The following EPHA3 variants were observed in gnomAD, a reference collection of about 807,000 sequenced individuals.
EPHA3 encodes EPH receptor A3, also known as ephrin type-A receptor 3.
In EPHA3, 42 loss-of-function variants were observed where a neutral mutation model predicts 107.1. That is an observed-to-expected ratio of 0.39 (90% CI 0.31 to 0.51). EPHA3 has a LOEUF of 0.51. Ranked by LOEUF, EPHA3 falls within the 20% of genes least tolerant of loss-of-function variation. The pLI is 0.78. For synonymous variants in EPHA3, 461 were observed against 424.8 expected, an observed-to-expected ratio of 1.09 and a Z score of -1.05; for missense variants, 1,183 against 1,211.2, an observed-to-expected ratio of 0.98 and a Z score of 0.35.
chr3:89,133,425 T>G (rs886620873), intron 2 of EPHA3, among the ~76,000 whole-genome samples: 22 of 152,204 alleles, frequency 1.4e-4, no homozygotes, highest in Admixed American at 6.5e-5. Context: ...ATCATCACAT[T>G]TTTGTCAACG....
chr3:89,137,422 T>A (rs865981420), intron 2 of EPHA3, among the ~76,000 whole-genome samples: 1 of 152,024 alleles, frequency 6.6e-6, no homozygotes. Flanking sequence ...ACTCTGGTGC[T>A]TAGTTTCTTT....
chr3:89,230,822 T>A (rs1297954106), intron 3 of EPHA3, among the ~76,000 whole-genome samples: 2 of 144,052 alleles, frequency 1.4e-5, no homozygotes, highest in African/African-American at 5.6e-5. Context: ...TCTCTCTCTC[T>A]CTCACACACA....
intron 2 of EPHA3, among the ~76,000 whole-genome samples, chr3:89,182,070 C>G (rs1367934567): frequency 6.6e-6 from 1 of 151,342 alleles, no homozygotes; most frequent in African/African-American, 2.4e-5. Context: ...GATGACCATA[C>G]TATCATAAAT....
At chr3:89,284,153 T>A (rs1706019152) in intron 3 of EPHA3, among the ~76,000 whole-genome samples, 1 of 152,202 alleles carries the variant, frequency 6.6e-6, no homozygotes, top group Non-Finnish European at 1.5e-5. Context: ...GTTATAGGAA[T>A]GTGTTCTGGA....
At chr3:89,390,080 C>T (rs1356020899) in intron 5 of EPHA3, among the ~76,000 whole-genome samples, 2 of 152,114 alleles carry the variant, frequency 1.3e-5, no homozygotes, top group Non-Finnish European at 2.9e-5. Flanking sequence ...TAACCTCCAC[C>T]TCCAGGATTC....
At chr3:89,226,490 C>A (rs1704506282) in intron 3 of EPHA3, among the ~76,000 whole-genome samples, 1 of 152,014 alleles carries the variant, frequency 6.6e-6, no homozygotes, top group Non-Finnish European at 1.5e-5. Context: ...AAGTAAAATA[C>A]CAAAATAAAC....
At chr3:89,405,143 T>C (rs935251269) in intron 7 of EPHA3, among the ~76,000 whole-genome samples, 2 of 151,984 alleles carry the variant, frequency 1.3e-5, no homozygotes, top group African/African-American at 4.8e-5. Flanking sequence ...AGGTCTGTCA[T>C]TTATAAAGGC....
At chr3:89,233,835 T>C (rs1704691813) in intron 3 of EPHA3, among the ~76,000 whole-genome samples, 1 of 152,222 alleles carries the variant, frequency 6.6e-6, no homozygotes. Context: ...GTCTATATAA[T>C]GATGATTTGC....
chr3:89,381,433 G>A (rs1708505379), intron 5 of EPHA3, among the ~76,000 whole-genome samples: 1 of 151,866 alleles, frequency 6.6e-6, no homozygotes, highest in Non-Finnish European at 1.5e-5. Flanking sequence ...ACTTCAGGAG[G>A]CCGAGGTGGG....
At chr3:89,280,827 G>T (rs1705929074) in intron 3 of EPHA3, among the ~76,000 whole-genome samples, 1 of 151,870 alleles carries the variant, frequency 6.6e-6, no homozygotes, top group African/African-American at 2.4e-5. Context: ...TATTTTCCAA[G>T]AATTTGAAAC....
intron 3 of EPHA3, among the ~76,000 whole-genome samples, chr3:89,331,154 C>T (rs1263838792): frequency 1.3e-5 from 2 of 152,064 alleles, no homozygotes; most frequent in Non-Finnish European, 2.9e-5. Flanking sequence ...CATAACTGCA[C>T]GCACATGCAC....
intron 2 of EPHA3, among the ~76,000 whole-genome samples, chr3:89,157,426 T>C (rs532619741): frequency 6.6e-6 from 1 of 152,134 alleles, no homozygotes; most frequent in East Asian, 1.9e-4. Flanking sequence ...CAAATTCCTA[T>C]GGTGTTCTTT....
intron 10 of EPHA3, among the ~76,000 whole-genome samples, chr3:89,416,265 G>T (rs940042208): frequency 6.6e-6 from 1 of 151,042 alleles, no homozygotes; most frequent in Non-Finnish European, 1.5e-5. Context: ...TAAAATTGCC[G>T]CACTTATTAG....
At chr3:89,191,708 T>C (rs1269534953) in intron 2 of EPHA3, among the ~76,000 whole-genome samples, 1 of 152,180 alleles carries the variant, frequency 6.6e-6, no homozygotes, top group East Asian at 1.9e-4. Context: ...AATTGGTAGA[T>C]ATATTGTTCT....
At chr3:89,279,707 G>T (rs541317403) in intron 3 of EPHA3, among the ~76,000 whole-genome samples, 7 of 152,034 alleles carry the variant, frequency 4.6e-5, no homozygotes, top group Admixed American at 6.6e-5. Flanking sequence ...TAAAGTAAAG[G>T]TAGTACAAAC....
At chr3:89,239,975 T>G (rs996507527) in intron 3 of EPHA3, among the ~76,000 whole-genome samples, 2 of 152,186 alleles carry the variant, frequency 1.3e-5, no homozygotes, top group African/African-American at 2.4e-5. Flanking sequence ...TCCAGACCTA[T>G]TCTAGCCATC....
chr3:89,157,424 T>G (rs369783376), intron 2 of EPHA3, among the ~76,000 whole-genome samples: 1 of 152,042 alleles, frequency 6.6e-6, no homozygotes, highest in Non-Finnish European at 1.5e-5. Context: ...AGCAAATTCC[T>G]ATGGTGTTCT....
rs374460085 is a variant in EPHA3 at position 89,407,352 on chromosome 3, A to G, written c.1678A>G (p.Ile560Val). 1.4e-5 allele frequency: 22 copies of G among 1,613,266 alleles called. No individual in the cohort carries two copies. Among genetic ancestry groups the G allele is most frequent in the Non-Finnish European group, 1.8e-5 (21 of 1,179,536 alleles). ...AVAIILLTVVIYVLIGRFCGY... is the reference protein window; with the variant it reads ...AVAIILLTVVVYVLIGRFCGY... ...AGCAATTATTCTCCTCACTGTTGTC[A>G]TCTATGTTTTGATTGGGAGGTGAGT... Residue 560 changes from isoleucine (I) to valine (V), a missense_variant, in exon 8 of 17, where the codon ATC becomes GTC. Transcript: ENST00000336596.
intron 3 of EPHA3, among the ~76,000 whole-genome samples, chr3:89,267,320 T>C (rs1451183188): frequency 6.6e-6 from 1 of 152,176 alleles, no homozygotes. Context: ...GATGTCTGTG[T>C]ACTTCAATTG....
Sources: allele counts gnomAD v4.1 joint callset (sites outside exome capture counted in the v4.1 genomes callset), GRCh38; gene constraint gnomAD v4.1.1; transcripts MANE v1.5; gene names NCBI Gene and HGNC (gene_info 2026-07-23, HGNC 2026-07-21).